ELMO1: variants seen among roughly 807,000 people sequenced by gnomAD.
ELMO1 encodes the protein engulfment and cell motility protein 1.
A neutral mutation model predicts 98.9 loss-of-function variants in ELMO1; 26 were observed. The observed-to-expected ratio is 0.26, with a 90% confidence interval of 0.19 to 0.36. The LOEUF (loss-of-function observed/expected upper bound fraction) is 0.36, where lower values mean the gene tolerates loss of function less well. ELMO1 is among the 10% of genes least tolerant of loss of function. The probability of loss-of-function intolerance (pLI) is 1.00; values close to 1 mark genes in which losing one functional copy is unlikely to be tolerated. For missense variants in ELMO1, 627 were observed against 935.2 expected, an observed-to-expected ratio of 0.67 and a Z score of 4.30; for synonymous variants, 346 against 346.0, an observed-to-expected ratio of 1.00 and a Z score of 0.00.
At chr7:36,986,156 G>A in intron 16 of ELMO1, 1 of 986,322 alleles carries the variant, frequency 1.0e-6, no homozygotes, top group South Asian at 4.7e-5. Flanking sequence ...ATGTAGCTTT[G>A]CTTATGTTTA....
At chr7:37,172,681 T>C (rs575914394) in intron 13 of ELMO1, among the ~76,000 whole-genome samples, 4 of 152,312 alleles carry the variant, frequency 2.6e-5, no homozygotes, top group South Asian at 4.1e-4. Context: ...GGCGAGTACA[T>C]TGCCGACAAT....
intron 2 of ELMO1, among the ~76,000 whole-genome samples, chr7:37,325,104 C>G (rs1447480767): frequency 6.6e-6 from 1 of 152,122 alleles, no homozygotes; most frequent in Non-Finnish European, 1.5e-5. Context: ...ACTTCACACA[C>G]TTTAAAAAAA....
chr7:37,196,898 G>A (rs1198738829), intron 13 of ELMO1, among the ~76,000 whole-genome samples: 5 of 152,138 alleles, frequency 3.3e-5, no homozygotes, highest in Non-Finnish European at 7.4e-5. Flanking sequence ...AGGTCCCAAA[G>A]AGTCCCCTAG....
At chr7:36,920,523 A>C (rs780844413) in intron 16 of ELMO1, among the ~76,000 whole-genome samples, 4 of 152,182 alleles carry the variant, frequency 2.6e-5, no homozygotes, top group Non-Finnish European at 5.9e-5. Context: ...ATAATCTCTC[A>C]CCCAATACAT....
At chr7:37,033,820 C>A (rs1348433794) in intron 15 of ELMO1, among the ~76,000 whole-genome samples, 5 of 152,070 alleles carry the variant, frequency 3.3e-5, no homozygotes, top group Admixed American at 2.6e-4. Context: ...CTATTCATTG[C>A]CCGAGGCAGA....
rs140927788 is a variant in ELMO1 at position 36,855,193 on chromosome 7, C to A, written c.*358G>T. On this transcript the variant is annotated 3_prime_UTR_variant, in exon 22 of 22. Transcript: ENST00000310758. The surrounding 1 kb of genome is among the most constrained non-coding windows in gnomAD (Gnocchi z 4.2). The stretch of plus-strand genomic sequence containing the variant: ...TTGGTCTGGTGGGCAAGTTTTTGGG[C>A]AGTCTGGGGCTGCTGGCTTTCCTGC... 9 of 280,264 alleles carry A rather than the reference C, an allele frequency of 3.2e-5. No homozygotes were observed. Among genetic ancestry groups the A allele is most frequent in the African/African-American group, 2.0e-4 (9 of 45,788 alleles). 17.4% of individuals were successfully genotyped at this position (280,264 alleles called of 1,614,324 possible).
chr7:37,425,624 G>A (rs1019328927), intron 1 of ELMO1, among the ~76,000 whole-genome samples: 3 of 152,180 alleles, frequency 2.0e-5, no homozygotes, highest in African/African-American at 4.8e-5. Context: ...GCTAGTTTTG[G>A]CTTTGGCCAA....
At chr7:37,326,053 T>A (rs2131169000) in intron 2 of ELMO1, among the ~76,000 whole-genome samples, 1 of 152,300 alleles carries the variant, frequency 6.6e-6, no homozygotes, top group South Asian at 2.1e-4. Flanking sequence ...TACCCTATCT[T>A]CCTAATAACA....
intron 13 of ELMO1, among the ~76,000 whole-genome samples, chr7:37,169,457 A>G (rs908770677): frequency 2.0e-5 from 3 of 152,314 alleles, no homozygotes; most frequent in Admixed American, 6.5e-5. Context: ...GCTGTAGACC[A>G]GAGCTGTTCC....
At chr7:37,403,456 G>A (rs1196270982) in intron 1 of ELMO1, among the ~76,000 whole-genome samples, 2 of 152,158 alleles carry the variant, frequency 1.3e-5, no homozygotes, top group African/African-American at 2.4e-5. Context: ...GGGTGCATAG[G>A]TGAAGCATCG....
chr7:37,345,696 G>C (rs1800968401), intron 1 of ELMO1, among the ~76,000 whole-genome samples: 1 of 151,846 alleles, frequency 6.6e-6, no homozygotes, highest in Non-Finnish European at 1.5e-5. Flanking sequence ...AACAGAGCGA[G>C]ACTCTGTCTC....
At chr7:37,139,691 C>G (rs117210869) in intron 13 of ELMO1, among the ~76,000 whole-genome samples, 1 of 152,042 alleles carries the variant, frequency 6.6e-6, no homozygotes, top group Non-Finnish European at 1.5e-5. Flanking sequence ...ACCACCACTG[C>G]TCTTCAGAAA....
intron 16 of ELMO1, among the ~76,000 whole-genome samples, chr7:36,935,978 T>C (rs901057318): frequency 7.2e-5 from 11 of 152,154 alleles, no homozygotes; most frequent in African/African-American, 2.7e-4. Flanking sequence ...TTACCTAAGA[T>C]TGCCCCCTCC....
At chr7:37,304,314 A>AG (rs554436780) in intron 4 of ELMO1, among the ~76,000 whole-genome samples, 197 of 152,294 alleles carry the variant, frequency 1.3e-3, no homozygotes, top group Middle Eastern at 6.8e-3. Flanking sequence ...GATAGCTCCT[A>AG]GGGGAAGTCA....
chr7:37,270,210 C>T (rs117109532), intron 5 of ELMO1: 8 of 152,254 alleles, frequency 5.3e-5, no homozygotes, highest in Admixed American at 6.5e-5. Context: ...CAGACGAAAA[C>T]GCCTCAGCTC....
intron 1 of ELMO1, among the ~76,000 whole-genome samples, chr7:37,354,981 T>A (rs1280504283): frequency 6.6e-6 from 1 of 152,276 alleles, no homozygotes; most frequent in Non-Finnish European, 1.5e-5. Context: ...AACTCTGGGC[T>A]GTGCCTCCAC....
At chr7:37,443,642 A>T (rs1223377829) in intron 1 of ELMO1, among the ~76,000 whole-genome samples, 2 of 152,254 alleles carry the variant, frequency 1.3e-5, no homozygotes, top group East Asian at 1.9e-4. Context: ...TGTAATCAGG[A>T]ATCATGATAT....
At chr7:37,034,215 A>C (rs1480432478) in intron 15 of ELMO1, among the ~76,000 whole-genome samples, 2 of 152,210 alleles carry the variant, frequency 1.3e-5, no homozygotes, top group East Asian at 3.8e-4. Flanking sequence ...TTAAAATGAC[A>C]ACAGGGTGGG....
At position 37,148,151 on chromosome 7, in the gene ELMO1, C is replaced by T. The variant is rs190541804; in HGVS notation, c.1087-14917G>A. ...CTTCTTCTCATCACACAATTTTGGA[C>T]GTCCACTACTACGCAAGGCACTGTG... On this transcript the variant is annotated intron_variant, in intron 13 of 21. Transcript: ENST00000310758. 2.0e-5 allele frequency among the ~76,000 whole-genome samples: 3 copies of T among 152,290 alleles called. No homozygotes were observed. In the East Asian group the frequency reaches 5.8e-4, roughly 29 times the overall value.
Sources: allele counts gnomAD v4.1 joint callset (sites outside exome capture counted in the v4.1 genomes callset), GRCh38; gene constraint gnomAD v4.1.1; non-coding constraint Gnocchi (gnomAD v3.1); transcripts MANE v1.5; gene names NCBI Gene and HGNC (gene_info 2026-07-23, HGNC 2026-07-21).